Variants in MYT1L observed in about 807,000 individuals in gnomAD.
The protein encoded by MYT1L is myelin transcription factor 1 like.
MYT1L carries 12 observed loss-of-function variants against 126.7 expected under a neutral mutation model. The observed-to-expected ratio is 0.09, with a 90% CI of 0.06 to 0.15. The LOEUF (loss-of-function observed/expected upper bound fraction) is 0.15. Ranked by LOEUF, MYT1L falls within the 10% of genes least tolerant of loss-of-function variation. The pLI is 1.00. For missense variants in MYT1L, 979 were observed against 1,585.2 expected, an observed-to-expected ratio of 0.62 and a Z score of 6.49; for synonymous variants, 541 against 604.2, an observed-to-expected ratio of 0.90 and a Z score of 1.53.
At chr2:1,849,974 T>C (rs72765587) in intron 19 of MYT1L, among the ~76,000 whole-genome samples, 55,964 of 148,768 alleles carry the variant, frequency 0.38, 10,852 homozygotes, top group Middle Eastern at 0.42. Context: ...CAGGGACAGA[T>C]AGCAGGTTTC....
intron 3 of MYT1L, among the ~76,000 whole-genome samples, chr2:2,104,908 A>C (rs990950701): frequency 6.6e-6 from 1 of 152,166 alleles, no homozygotes; most frequent in Non-Finnish European, 1.5e-5. Flanking sequence ...TTCTTTAAGG[A>C]GAGGTCACAC....
At chr2:1,911,104 G>A (rs1207001537) in intron 12 of MYT1L, among the ~76,000 whole-genome samples, 1 of 152,166 alleles carries the variant, frequency 6.6e-6, no homozygotes, top group Non-Finnish European at 1.5e-5. Flanking sequence ...AGGCCCTGAC[G>A]CTGCGGATGC....
chr2:1,865,773 A>G (rs2045382682), intron 18 of MYT1L, among the ~76,000 whole-genome samples: 2 of 152,034 alleles, frequency 1.3e-5, no homozygotes, highest in Non-Finnish European at 2.9e-5. Flanking sequence ...CATGCTCAGT[A>G]CACAAGGCGC....
chr2:2,209,096 C>T (rs568194259), intron 2 of MYT1L, among the ~76,000 whole-genome samples: 1 of 152,098 alleles, frequency 6.6e-6, no homozygotes, highest in Admixed American at 6.5e-5. Flanking sequence ...CTTTTTAAAA[C>T]ATTTTGTGTT....
intron 8 of MYT1L, among the ~76,000 whole-genome samples, chr2:1,947,586 T>C (rs2057354608): frequency 6.6e-6 from 1 of 152,234 alleles, no homozygotes; most frequent in Non-Finnish European, 1.5e-5. Context: ...CCCCTGCACC[T>C]GCAGCTGGCT....
intron 1 of MYT1L, among the ~76,000 whole-genome samples, chr2:2,311,179 G>T (rs1358598948): frequency 6.6e-6 from 1 of 152,168 alleles, no homozygotes; most frequent in African/African-American, 2.4e-5. Context: ...TTAAAGGTTT[G>T]ATAACCAAGA....
chr2:1,902,775 G>A (rs1452498206), intron 14 of MYT1L: 4 of 385,156 alleles, frequency 1.0e-5, no homozygotes, highest in Non-Finnish European at 1.5e-5. Context: ...TGTCTTCCCA[G>A]TACCACAAAA....
chr2:1,904,294 C>A (rs375899510), intron 13 of MYT1L, among the ~76,000 whole-genome samples: 1 of 152,154 alleles, frequency 6.6e-6, no homozygotes, highest in Non-Finnish European at 1.5e-5. Context: ...TCAGTCTCAC[C>A]GGGCTCAAGG....
chr2:1,810,643 T>C (rs184572640), intron 21 of MYT1L, among the ~76,000 whole-genome samples: 2 of 152,186 alleles, frequency 1.3e-5, no homozygotes, highest in East Asian at 3.9e-4. Context: ...ATTAATATAA[T>C]TAAGCTTTCT....
chr2:2,005,127 C>G (rs1232571493), intron 4 of MYT1L, among the ~76,000 whole-genome samples: 1 of 151,222 alleles, frequency 6.6e-6, no homozygotes, highest in Non-Finnish European at 1.5e-5. Flanking sequence ...TGCCTTCTTT[C>G]CTGCATGCAT....
At chr2:1,956,262 T>TTCTATCTA (rs202147535) in intron 8 of MYT1L, among the ~76,000 whole-genome samples, 2 of 139,020 alleles carry the variant, frequency 1.4e-5, no homozygotes, top group African/African-American at 6.0e-5. Context: ...ATATTTCCTA[T>TTCTATCTA]TCTATCTGTC....
At chr2:1,907,950 C>G (rs993206299) in intron 13 of MYT1L, among the ~76,000 whole-genome samples, 3 of 152,236 alleles carry the variant, frequency 2.0e-5, no homozygotes, top group African/African-American at 4.8e-5. Context: ...CAGCGCCTCC[C>G]TGAACAACCA....
intron 2 of MYT1L, among the ~76,000 whole-genome samples, chr2:2,279,608 G>GGAAA (rs1187686370): frequency 1.3e-5 from 2 of 150,324 alleles, no homozygotes; most frequent in African/African-American, 4.9e-5. Flanking sequence ...AAGGAAGGAA[G>GGAAA]GAATCAAGAT....
intron 4 of MYT1L, among the ~76,000 whole-genome samples, chr2:1,998,778 A>T (rs2062098077): frequency 6.6e-6 from 1 of 152,116 alleles, no homozygotes; most frequent in Non-Finnish European, 1.5e-5. Context: ...ATGAACTCTG[A>T]ACTATCTTAC....
At chr2:2,309,172 A>C (rs1436997040) in intron 1 of MYT1L, among the ~76,000 whole-genome samples, 3 of 151,268 alleles carry the variant, frequency 2.0e-5, no homozygotes, top group Non-Finnish European at 3.0e-5. Context: ...TACTCTATCC[A>C]TACTCCACCT....
intron 3 of MYT1L, among the ~76,000 whole-genome samples, chr2:2,167,670 A>C (rs2148495028): frequency 6.6e-6 from 1 of 152,316 alleles, no homozygotes; most frequent in East Asian, 1.9e-4. Flanking sequence ...TGCTTGTCTA[A>C]GTCAGAAGAC....
chr2:1,992,644 T>TA (rs1366326700), intron 5 of MYT1L, among the ~76,000 whole-genome samples: 2 of 152,234 alleles, frequency 1.3e-5, no homozygotes, highest in Admixed American at 6.5e-5. Context: ...CATCTTGCTT[T>TA]TAACATCCAA....
intron 4 of MYT1L, among the ~76,000 whole-genome samples, chr2:2,038,575 TTGCTGTTCC>T (rs1466318269): frequency 6.6e-6 from 1 of 152,232 alleles, no homozygotes; most frequent in Admixed American, 6.5e-5. Context: ...CATATCCTAG[TTGCTGTTCC>T]TGCCACCAAA....
intron 3 of MYT1L, among the ~76,000 whole-genome samples, chr2:2,161,883 G>A (rs1187723165): frequency 6.6e-6 from 1 of 152,196 alleles, no homozygotes; most frequent in Non-Finnish European, 1.5e-5. Flanking sequence ...GGAGCTCCAA[G>A]GAGAATGAAA....
Sources: gnomAD v4.1 joint callset for allele counts (sites outside exome capture counted in the v4.1 genomes callset) on GRCh38, gnomAD v4.1.1 for gene constraint, MANE v1.5 for transcripts, NCBI Gene and HGNC (gene_info 2026-07-23, HGNC 2026-07-21) for gene names.